The following RASA2 variants were observed in gnomAD, a reference collection of about 807,000 sequenced individuals.
RASA2 encodes ras GTPase-activating protein 2.
Under a neutral mutation model 118.2 loss-of-function variants are expected in RASA2, and 155 were observed. The observed-to-expected ratio is 1.31, with a 90% CI of 1.15 to 1.50. The LOEUF (loss-of-function observed/expected upper bound fraction) is 1.50, where lower values mean the gene tolerates loss of function less well. RASA2 is among the 40% of genes most tolerant of loss of function. The probability of loss-of-function intolerance (pLI) is 0.00; values close to 1 mark genes in which losing one functional copy is unlikely to be tolerated. For missense variants in RASA2, 1,016 were observed against 1,009.6 expected, an observed-to-expected ratio of 1.01 and a Z score of -0.09; for synonymous variants, 353 against 349.1, an observed-to-expected ratio of 1.01 and a Z score of -0.12.
At chr3:141,538,238 T>G (rs561124736) in intron 4 of RASA2, among the ~76,000 whole-genome samples, 2 of 152,344 alleles carry the variant, frequency 1.3e-5, no homozygotes, top group East Asian at 3.9e-4. Flanking sequence ...TTCACTGATT[T>G]GAGTTTCTAA....
At position 141,487,139 on chromosome 3, in the gene RASA2, G is replaced by C; in HGVS notation, c.56G>C (p.Ser19Thr). The C allele has an allele frequency of 1.4e-6, 2 of 1,452,526 alleles. No individual in the cohort carries two copies. The highest frequency in any genetic ancestry group is 2.6e-5 in the South Asian group (2 of 75,502). The allele number at this position is 1,452,526 out of a possible 1,614,324, so 90.0% of individuals were successfully genotyped here. A position where few individuals can be genotyped will look rare whatever the true frequency, so the allele number is the denominator to read the frequency against. Residue 19 changes from serine (S) to threonine (T), a missense_variant, in exon 1 of 24, where the codon AGT becomes ACT. Physicochemically the swap from Ser to Thr is moderately conservative, Grantham distance 58 (BLOSUM62 1). Coordinates refer to ENST00000286364, the MANE Select transcript of RASA2 (RefSeq NM_006506.5). ...AAASSEAPAA[S>T]ATAEPEAGDQ... ...GCTTCTTCCGAGGCGCCAGCGGCGA[G>C]TGCGACTGCAGAGCCCGAGGCCGGG...
intron 19 of RASA2, among the ~76,000 whole-genome samples, chr3:141,593,032 GA>G (rs1019319776): frequency 6.6e-6 from 1 of 152,128 alleles, no homozygotes; most frequent in Non-Finnish European, 1.5e-5. Flanking sequence ...ACCCTTGAAA[GA>G]AAGGAACCAT....
intron 19 of RASA2, among the ~76,000 whole-genome samples, chr3:141,599,790 C>T (rs1352124595): frequency 6.9e-6 from 1 of 144,010 alleles, no homozygotes; most frequent in African/African-American, 2.5e-5. Context: ...CTTCTGGATT[C>T]CTACTAAAAA....
intron 19 of RASA2, among the ~76,000 whole-genome samples, chr3:141,596,979 A>G (rs2083383157): frequency 6.6e-6 from 1 of 152,260 alleles, no homozygotes; most frequent in Non-Finnish European, 1.5e-5. Context: ...ACATATGCCC[A>G]CACAAAGAAT....
chr3:141,545,462 T>C (rs1184913040), intron 5 of RASA2, among the ~76,000 whole-genome samples: 1 of 66,020 alleles, frequency 1.5e-5, no homozygotes, highest in African/African-American at 6.3e-5. Flanking sequence ...TACTACATAC[T>C]TTTTTTTTTT....
chr3:141,562,634 C>T (rs1272734574), intron 9 of RASA2, among the ~76,000 whole-genome samples: 1 of 146,364 alleles, frequency 6.8e-6, no homozygotes, highest in East Asian at 2.1e-4. Context: ...AAAAAGAAAA[C>T]AAAAAACAAC....
At chr3:141,512,382 TGC>T in intron 2 of RASA2, 102 bp downstream of exon 2, 1 of 804,868 alleles carries the variant, frequency 1.2e-6, no homozygotes, top group Non-Finnish European at 1.9e-6. Flanking sequence ...ACAGAAACAG[TGC>T]TTGCTTTCAT....
intron 9 of RASA2, among the ~76,000 whole-genome samples, chr3:141,560,398 G>T (rs2082714013): frequency 1.3e-5 from 2 of 152,130 alleles, no homozygotes; most frequent in South Asian, 4.1e-4. Flanking sequence ...TTATTTAGGG[G>T]ACTCAGTTGT....
intron 1 of RASA2, among the ~76,000 whole-genome samples, chr3:141,510,010 T>G (rs1009085358): frequency 7.9e-5 from 12 of 152,380 alleles, no homozygotes; most frequent in African/African-American, 2.9e-4. Flanking sequence ...TTACTGGTAC[T>G]ATTCCATTGG....
chr3:141,506,293 CA>C (rs908525702), intron 1 of RASA2, among the ~76,000 whole-genome samples: 5 of 152,350 alleles, frequency 3.3e-5, no homozygotes, highest in Admixed American at 2.6e-4. Flanking sequence ...GTTGTACACA[CA>C]ATCAAATCTA....
intron 5 of RASA2, among the ~76,000 whole-genome samples, chr3:141,544,807 A>G (rs1378351846): frequency 1.3e-5 from 2 of 152,228 alleles, no homozygotes; most frequent in Non-Finnish European, 2.9e-5. Flanking sequence ...TACTAGCCGT[A>G]AAAAAGAAAG....
At position 141,542,158 on chromosome 3, in the gene RASA2, G is replaced by A. The variant is rs768873607; in HGVS notation, c.527+1549G>A. ...AAAAATCAAAACTATAACAAAAGGC[G>A]TTACTCAGAGATGTGTGTAGTTCAG... On this transcript the variant is annotated intron_variant, in intron 5 of 23. Coordinates refer to ENST00000286364, the MANE Select transcript of RASA2 (RefSeq NM_006506.5). Among the ~76,000 whole-genome samples the A allele has an allele frequency of 5.0e-4, 76 of 150,984 alleles. 1 individual carries two copies. The highest frequency in any genetic ancestry group is 6.8e-3 in the Middle Eastern group (2 of 294).
chr3:141,560,249 A>G (rs1333721460), intron 9 of RASA2, among the ~76,000 whole-genome samples: 4 of 152,182 alleles, frequency 2.6e-5, no homozygotes, highest in Non-Finnish European at 5.9e-5. Flanking sequence ...GACGACTCTT[A>G]AGGAGAAAAA....
chr3:141,549,025 T>A (rs893204268), intron 5 of RASA2, among the ~76,000 whole-genome samples: 4 of 152,216 alleles, frequency 2.6e-5, no homozygotes, highest in Non-Finnish European at 5.9e-5. Flanking sequence ...ACATGGGCAC[T>A]TATATCTGCC....
intron 9 of RASA2, among the ~76,000 whole-genome samples, chr3:141,567,779 A>G (rs1334347473): frequency 6.6e-6 from 1 of 152,242 alleles, no homozygotes; most frequent in African/African-American, 2.4e-5. Context: ...AACCAGTGCT[A>G]TAAATTTGCC....
intron 19 of RASA2, among the ~76,000 whole-genome samples, chr3:141,591,245 A>ATG (rs1168949298): frequency 6.6e-6 from 1 of 152,152 alleles, no homozygotes; most frequent in African/African-American, 2.4e-5. Flanking sequence ...TTTTACATTC[A>ATG]TGCTTTTGCA....
intron 19 of RASA2, chr3:141,600,338 C>G (rs1339559567): frequency 1.9e-6 from 1 of 528,842 alleles, no homozygotes; most frequent in Non-Finnish European, 3.9e-6. Context: ...GTTAGGTTGT[C>G]TCTAAGCAAT....
intron 6 of RASA2, 22 bp from the exon 7 acceptor site, chr3:141,555,798 CTGTTAAGTTCTACAAGGTAA>C: frequency 6.6e-7 from 1 of 1,525,042 alleles, no homozygotes; most frequent in Non-Finnish European, 9.0e-7. Context: ...TAATTGTGTA[CTGTTAAGTTCTACAAGGTAA>C]AACTCTACCA....
chr3:141,560,236 G>A (rs1220612873), intron 9 of RASA2, among the ~76,000 whole-genome samples: 1 of 152,162 alleles, frequency 6.6e-6, no homozygotes, highest in Non-Finnish European at 1.5e-5. Flanking sequence ...GTTCAGAAGT[G>A]AAGACGACTC....
Sources: allele counts gnomAD v4.1 joint callset (sites outside exome capture counted in the v4.1 genomes callset), GRCh38; gene constraint gnomAD v4.1.1; transcripts MANE v1.5; gene names NCBI Gene and HGNC (gene_info 2026-07-23, HGNC 2026-07-21).